The following PMS2 variants were observed in gnomAD, a reference collection of about 807,000 sequenced individuals.
The protein encoded by PMS2 is PMS1 homolog 2, mismatch repair system component.
Under a neutral mutation model 90.0 loss-of-function variants are expected in PMS2, and 69 were observed. That is an observed-to-expected ratio of 0.77 (90% confidence interval 0.63 to 0.94). PMS2 has a LOEUF of 0.94. Among genes scored for constraint, PMS2 ranks in the 40% least tolerant of loss-of-function variants. The pLI is 0.00. For missense variants in PMS2, 966 were observed against 1,040.2 expected (o/e 0.93, Z 0.98); for synonymous variants, 332 against 375.1 (o/e 0.89, Z 1.33).
chr7:5,996,384 T>C (rs1784389730), intron 7 of PMS2, among the ~76,000 whole-genome samples: 1 of 151,294 alleles, frequency 6.6e-6, no homozygotes, highest in Admixed American at 6.6e-5. Flanking sequence ...CGAAACCCCG[T>C]CTCCACTAAA....
chr7:5,990,166 A>G (rs1286895291), intron 9 of PMS2, among the ~76,000 whole-genome samples: 1 of 152,082 alleles, frequency 6.6e-6, no homozygotes, highest in African/African-American at 2.4e-5. Context: ...GTGCCACCAC[A>G]CTGGCTAATT....
chr7:6,008,513 G>C (rs1242934047), intron 1 of PMS2, among the ~76,000 whole-genome samples: 1 of 152,120 alleles, frequency 6.6e-6, no homozygotes, highest in African/African-American at 2.4e-5. Context: ...ACTTTGAGGG[G>C]CCAAGGCGGG....
chr7:5,991,932 G>A (rs1226200785), intron 9 of PMS2, 41 bp downstream of exon 9: 1 of 883,508 alleles, frequency 1.1e-6, no homozygotes, highest in Non-Finnish European at 1.9e-6. Flanking sequence ...ATTCTTTGAG[G>A]CATTAGTCAC....
At chr7:5,997,242 T>A in intron 7 of PMS2, 84 bp downstream of exon 7, 1 of 735,744 alleles carries the variant, frequency 1.4e-6, no homozygotes, top group Admixed American at 2.5e-5. Flanking sequence ...CACGAAACTA[T>A]TAGCCTTAGA....
At position 5,972,905 on chromosome 7, in the gene PMS2, G is replaced by A. The variant is rs1479601782; in HGVS notation, c.*494C>T. Among the ~76,000 whole-genome samples, 2 of 64,816 alleles carry A rather than the reference G, an allele frequency of 3.1e-5. No individual in the cohort carries two copies. Among genetic ancestry groups the A allele is most frequent in the South Asian group, 7.1e-4 (1 of 1,410 alleles). The allele number at this position is 64,816 out of a possible 152,430, so 42.5% of individuals were successfully genotyped here. A position where few individuals can be genotyped will look rare whatever the true frequency, so the allele number is the denominator to read the frequency against. On this transcript the variant is annotated 3_prime_UTR_variant, in exon 15 of 15. Coordinates refer to ENST00000265849, the MANE Select transcript of PMS2 (RefSeq NM_000535.7). ...CTCACCCAGGCTGGAGCGCAGTGGC[G>A]CAATCTCGGTTCACTGCAACCTCCG... is the stretch of plus-strand genomic sequence containing the variant.
In PMS2 at chr7:6,004,025, A is replaced by G. The variant is rs769554577; in HGVS notation, c.197T>C (p.Ile66Thr). Residue 66 changes from isoleucine to threonine, a missense_variant, in exon 3 of 15, where the codon ATT (isoleucine) becomes ACT (threonine). Physicochemically the swap from Ile to Thr is moderately conservative, Grantham distance 89. Transcript: ENST00000265849. ...LKLKDYGVDL[I>T]EVSDNGCGVE... is the part of the protein sequence containing the mutation. Reference sequence around the variant, plus strand: ...CCCACATCCATTGTCTGAAACTTCAATAAGATCCACTCCATAGTCCTTAAG... The same window carrying G: ...CCCACATCCATTGTCTGAAACTTCAGTAAGATCCACTCCATAGTCCTTAAG... 2.8e-5 allele frequency: 45 copies of G among 1,603,236 alleles called. No individual in the cohort carries two copies. The highest frequency in any genetic ancestry group is 5.4e-5 in the African/African-American group (4 of 74,662).
intron 10 of PMS2, among the ~76,000 whole-genome samples, chr7:5,989,387 C>A (rs539171159): frequency 1.3e-5 from 2 of 152,056 alleles, no homozygotes; most frequent in Non-Finnish European, 2.9e-5. Flanking sequence ...GAGCTGAGAT[C>A]GCATCATTGC....
intron 3 of PMS2, 33 bp from the exon 4 acceptor site, chr7:6,003,825 T>C: frequency 7.1e-7 from 1 of 1,414,032 alleles, no homozygotes; most frequent in Non-Finnish European, 1.0e-6. Flanking sequence ...GACTAAGATA[T>C]CTCAAGTGCT....
chr7:6,005,359 C>G (rs1785614631), intron 2 of PMS2, among the ~76,000 whole-genome samples: 1 of 152,146 alleles, frequency 6.6e-6, no homozygotes, highest in Admixed American at 6.5e-5. Context: ...CTTCTGCCAC[C>G]AGGTCCAGCT....
In PMS2 at chr7:5,972,782, T is replaced by G. The variant is rs1215985714; in HGVS notation, c.*617A>C. ...GTTGAAAGTTATAGACTAAACTATGTCCAGCCAGAGCAGAGGCCTGAGTAA... is the reference window on the plus strand; with the variant it reads ...GTTGAAAGTTATAGACTAAACTATGGCCAGCCAGAGCAGAGGCCTGAGTAA... On this transcript the variant is annotated 3_prime_UTR_variant, in exon 15 of 15. Coordinates refer to ENST00000265849, the MANE Select transcript of PMS2 (RefSeq NM_000535.7). 2.0e-5 allele frequency among the ~76,000 whole-genome samples: 2 copies of G among 98,008 alleles called. 1 individual carries two copies. The highest frequency in any genetic ancestry group is 4.1e-5 in the Non-Finnish European group (2 of 49,254). 64.3% of individuals were successfully genotyped at this position (98,008 alleles called of 152,430 possible).
intron 12 of PMS2, among the ~76,000 whole-genome samples, chr7:5,982,567 C>T (rs1475086146): frequency 6.6e-6 from 1 of 152,138 alleles, no homozygotes; most frequent in African/African-American, 2.4e-5. Flanking sequence ...CAACTCCTGA[C>T]CTCAGGTGAT....
chr7:6,008,504 C>A lies in PMS2; in HGVS notation c.23+493G>T, dbSNP rs540463275. ...GTGCATCATGCCTTTAATTCCAGCA[C>A]TTTGAGGGGCCAAGGCGGGCGGATT... On this transcript the variant is annotated intron_variant, in intron 1 of 14. Coordinates refer to ENST00000265849, the MANE Select transcript of PMS2 (RefSeq NM_000535.7). Among the ~76,000 whole-genome samples the A allele has an allele frequency of 1.6e-4, 25 of 152,230 alleles. No homozygotes were observed. The South Asian group carries it at 4.3e-3, about 26-fold the overall frequency.
At chr7:5,997,528 AAATT>A (rs1344062587) in intron 6 of PMS2, 105 bp from the exon 7 acceptor site, 12 of 714,522 alleles carry the variant, frequency 1.7e-5, no homozygotes, top group Non-Finnish European at 2.9e-5. Context: ...AGCGCAAAAA[AAATT>A]AAAAGAATCT....
chr7:5,999,331 C>G (rs2128803040), intron 5 of PMS2, 56 bp from the exon 6 acceptor site: 1 of 1,485,998 alleles, frequency 6.7e-7, no homozygotes, highest in Non-Finnish European at 9.4e-7. Flanking sequence ...ATAGGAATTA[C>G]ACAGCTCAAG....
At chr7:5,994,590 G>A (rs998153766) in intron 8 of PMS2, among the ~76,000 whole-genome samples, 7 of 151,526 alleles carry the variant, frequency 4.6e-5, no homozygotes, top group East Asian at 2.0e-4. Flanking sequence ...TGGCTAACAA[G>A]GTGAAACCCC....
intron 2 of PMS2, among the ~76,000 whole-genome samples, chr7:6,005,628 C>T (rs760575997): frequency 1.3e-4 from 20 of 152,210 alleles, no homozygotes; most frequent in Admixed American, 9.2e-4. Context: ...TGAGACACCA[C>T]GCCCAGCTGT....
intron 5 of PMS2, among the ~76,000 whole-genome samples, chr7:6,001,154 T>C (rs992111222): frequency 6.6e-6 from 1 of 152,166 alleles, no homozygotes; most frequent in African/African-American, 2.4e-5. Flanking sequence ...CATCCAAGGA[T>C]AACTGCTGAG....
chr7:6,006,545 C>G (rs1228706773), intron 1 of PMS2, among the ~76,000 whole-genome samples: 1 of 151,916 alleles, frequency 6.6e-6, no homozygotes, highest in Non-Finnish European at 1.5e-5. Flanking sequence ...CCTAGCTACT[C>G]AGGAGGCTGA....
chr7:5,989,247 A>G (rs1432459909), intron 10 of PMS2, among the ~76,000 whole-genome samples: 1 of 152,038 alleles, frequency 6.6e-6, no homozygotes, highest in Admixed American at 6.6e-5. Flanking sequence ...CCTGGGCATC[A>G]TGGAGAAACC....
Sources: gnomAD v4.1 joint callset for allele counts (sites outside exome capture counted in the v4.1 genomes callset) on GRCh38, gnomAD v4.1.1 for gene constraint, MANE v1.5 for transcripts, NCBI Gene and HGNC (gene_info 2026-07-23, HGNC 2026-07-21) for gene names.